AGBL1: variants seen among roughly 807,000 people sequenced by gnomAD.
AGBL1 encodes the protein AGBL carboxypeptidase 1.
Under a neutral mutation model 118.9 loss-of-function variants are expected in AGBL1, and 130 were observed. The ratio of observed to expected loss-of-function variants is 1.09; its 90% confidence interval spans 0.95 to 1.26. AGBL1 has a LOEUF of 1.26. Ranked by LOEUF, AGBL1 falls within the 50% of genes most tolerant of loss-of-function variation. The pLI, the probability that AGBL1 is intolerant of heterozygous loss-of-function variation, is 0.00. For synonymous variants in AGBL1, 555 were observed against 478.9 expected (o/e 1.16, Z -2.08); for missense variants, 1,584 against 1,298.1 (o/e 1.22, Z -3.38).
chr15:86,561,339 G>T (rs185456383), intron 21 of AGBL1, among the ~76,000 whole-genome samples: 168 of 152,278 alleles, frequency 1.1e-3, no homozygotes, highest in African/African-American at 3.9e-3. Flanking sequence ...TTTATATAAG[G>T]TGTAAGGAAG....
chr15:86,278,349 T>G (rs1331061817), intron 15 of AGBL1, among the ~76,000 whole-genome samples: 1 of 152,152 alleles, frequency 6.6e-6, no homozygotes, highest in East Asian at 1.9e-4. Context: ...AGGCTCCAGA[T>G]TGCCATGTTG....
chr15:86,348,600 A>G (rs1008110507), intron 17 of AGBL1, among the ~76,000 whole-genome samples: 5 of 152,116 alleles, frequency 3.3e-5, no homozygotes, highest in Non-Finnish European at 7.4e-5. Flanking sequence ...CAACATGGTG[A>G]AACCCTGTCT....
intron 20 of AGBL1, among the ~76,000 whole-genome samples, chr15:86,547,383 A>C (rs1038568183): frequency 6.6e-6 from 1 of 152,124 alleles, no homozygotes; most frequent in Non-Finnish European, 1.5e-5. Flanking sequence ...AGGGAAGGTA[A>C]TAATATTAAT....
At chr15:86,521,043 G>T (rs1433459681) in intron 18 of AGBL1, among the ~76,000 whole-genome samples, 4 of 152,158 alleles carry the variant, frequency 2.6e-5, no homozygotes, top group Non-Finnish European at 4.4e-5. Flanking sequence ...AATAAAAAAT[G>T]CCAGAGAGGA....
At chr15:86,508,813 A>C (rs2083016570) in intron 18 of AGBL1, among the ~76,000 whole-genome samples, 1 of 152,168 alleles carries the variant, frequency 6.6e-6, no homozygotes, top group Admixed American at 6.6e-5. Context: ...AGTTAAGCGA[A>C]AATTCAGAAC....
At chr15:86,142,702 A>G (rs1474551263) in intron 2 of AGBL1, among the ~76,000 whole-genome samples, 3 of 152,144 alleles carry the variant, frequency 2.0e-5, no homozygotes, top group Non-Finnish European at 4.4e-5. Flanking sequence ...GAAGGGGCCC[A>G]TTGTATTGGG....
intron 22 of AGBL1, among the ~76,000 whole-genome samples, chr15:86,782,146 A>T (rs933405861): frequency 1.8e-4 from 27 of 152,036 alleles, no homozygotes; most frequent in African/African-American, 6.0e-4. Flanking sequence ...TTTGTTTGTT[A>T]TTTCTGTATT....
chr15:86,921,685 A>G (rs2080483397), intron 23 of AGBL1, among the ~76,000 whole-genome samples: 2 of 152,154 alleles, frequency 1.3e-5, no homozygotes, highest in Admixed American at 1.3e-4. Context: ...GTGGGACAGG[A>G]ATAGGATGCA....
intron 22 of AGBL1, among the ~76,000 whole-genome samples, chr15:86,719,062 G>A (rs1567138520): frequency 6.6e-6 from 1 of 151,922 alleles, no homozygotes; most frequent in Admixed American, 6.6e-5. Flanking sequence ...AGAAAAAAAA[G>A]TTCATGGGAA....
chr15:86,946,339 C>T (rs901043080), intron 23 of AGBL1: 4 of 152,096 alleles, frequency 2.6e-5, no homozygotes, highest in African/African-American at 9.7e-5. Context: ...TCCCATTCTG[C>T]TATTTGAATA....
chr15:86,841,316 G>A (rs1195577997), intron 22 of AGBL1, among the ~76,000 whole-genome samples: 1 of 152,158 alleles, frequency 6.6e-6, no homozygotes, highest in Non-Finnish European at 1.5e-5. Flanking sequence ...GAGAGGAGAT[G>A]GAGTATAAGG....
intron 17 of AGBL1, among the ~76,000 whole-genome samples, chr15:86,389,222 C>T (rs115509743): frequency 0.017 from 2,540 of 152,052 alleles, 69 homozygotes; most frequent in African/African-American, 0.058. Context: ...TTTTCCTTGT[C>T]TTGGAAAACA....
chr15:86,195,012 A>T (rs186044572), intron 5 of AGBL1, among the ~76,000 whole-genome samples: 2 of 152,196 alleles, frequency 1.3e-5, no homozygotes, highest in African/African-American at 4.8e-5. Context: ...GTCACTAAGC[A>T]TGAGTGATTT....
chr15:86,918,908 C>T (rs939019048), downstream of AGBL1, among the ~76,000 whole-genome samples: 1 of 152,184 alleles, frequency 6.6e-6, no homozygotes, highest in Non-Finnish European at 1.5e-5. Flanking sequence ...CTTAAGGTGT[C>T]TGCTCTGGTT....
intron 19 of AGBL1, among the ~76,000 whole-genome samples, chr15:86,527,400 A>G (rs779311261): frequency 6.6e-6 from 1 of 152,238 alleles, no homozygotes; most frequent in African/African-American, 2.4e-5. Context: ...CATGACAGCC[A>G]CAGACATGTT....
chr15:86,917,575 C>G (rs78314566), downstream of AGBL1, among the ~76,000 whole-genome samples: 1 of 152,182 alleles, frequency 6.6e-6, no homozygotes, highest in Non-Finnish European at 1.5e-5. The surrounding 1 kb of genome is among the most constrained non-coding windows in gnomAD (Gnocchi z 4.8). Flanking sequence ...TAAACATATG[C>G]GGATCACCTC....
intron 10 of AGBL1, among the ~76,000 whole-genome samples, chr15:86,263,331 C>A (rs1324418997): frequency 6.6e-6 from 1 of 152,180 alleles, no homozygotes; most frequent in Non-Finnish European, 1.5e-5. Context: ...AGCAACAGGC[C>A]ACACCATATA....
At chr15:86,348,773 C>T (rs2080579004) in intron 17 of AGBL1, among the ~76,000 whole-genome samples, 1 of 93,852 alleles carries the variant, frequency 1.1e-5, no homozygotes, top group South Asian at 3.4e-4. Context: ...GCGCGACTGT[C>T]TCAAAAGAAA....
Position 86,322,773 on chromosome 15 carries a change from T to G in AGBL1, c.2374+27365T>G, listed in dbSNP as rs535242194. 8.3e-4 allele frequency among the ~76,000 whole-genome samples: 126 copies of G among 152,270 alleles called. 3 individuals carry two copies. In the South Asian group the frequency reaches 0.024, roughly 29 times the overall value. Reference sequence around the variant, plus strand: ...TTACTTCATGACTATCAAACTACATTAGTAGTGTGCATTTGTACTGAAAAC... The same window carrying G: ...TTACTTCATGACTATCAAACTACATGAGTAGTGTGCATTTGTACTGAAAAC... On this transcript the variant is annotated intron_variant, in intron 17 of 22. Transcript: ENST00000614907.
Sources: allele counts gnomAD v4.1 joint callset (sites outside exome capture counted in the v4.1 genomes callset), GRCh38; gene constraint gnomAD v4.1.1; non-coding constraint Gnocchi (gnomAD v3.1); transcripts MANE v1.5; gene names NCBI Gene and HGNC (gene_info 2026-07-23, HGNC 2026-07-21).